JMJD1C: variants seen among roughly 807,000 people sequenced by gnomAD.
JMJD1C encodes the protein jumonji domain containing 1C.
Under a neutral mutation model 245.3 loss-of-function variants are expected in JMJD1C, and 31 were observed. The ratio of observed to expected loss-of-function variants is 0.13; its 90% CI spans 0.09 to 0.17. The LOEUF (loss-of-function observed/expected upper bound fraction) is 0.17. Ranked by LOEUF, JMJD1C falls within the 10% of genes least tolerant of loss-of-function variation. The pLI is 1.00. For missense variants in JMJD1C, 2,691 were observed against 3,000.2 expected (o/e 0.90, Z 2.41); for synonymous variants, 1,057 against 1,017.4 (o/e 1.04, Z -0.74).
At chr10:63,237,501 G>C (rs758521178) in intron 3 of JMJD1C, among the ~76,000 whole-genome samples, 1 of 152,098 alleles carries the variant, frequency 6.6e-6, no homozygotes, top group South Asian at 2.1e-4. Flanking sequence ...TATTTTCTCA[G>C]AAAGAACGAA....
At chr10:63,347,501 T>C (rs1037406355) in intron 2 of JMJD1C, among the ~76,000 whole-genome samples, 14 of 150,122 alleles carry the variant, frequency 9.3e-5, no homozygotes, top group African/African-American at 2.7e-4. Context: ...AGGAGAATTG[T>C]TGAACCCAGC....
At chr10:63,340,368 G>A (rs1943257553) in intron 2 of JMJD1C, among the ~76,000 whole-genome samples, 1 of 152,178 alleles carries the variant, frequency 6.6e-6, no homozygotes, top group Non-Finnish European at 1.5e-5. Flanking sequence ...ACAATGGCAG[G>A]CTCCACATGG....
intron 2 of JMJD1C, among the ~76,000 whole-genome samples, chr10:63,378,650 T>C (rs1946970075): frequency 6.6e-6 from 1 of 152,226 alleles, no homozygotes; most frequent in Admixed American, 6.5e-5. Flanking sequence ...ACTCTGATAC[T>C]GATGTATAGT....
At chr10:63,176,796 GTA>G (rs869072896) in intron 23 of JMJD1C, 2 of 153,828 alleles carry the variant, frequency 1.3e-5, no homozygotes, top group Non-Finnish European at 2.6e-5. Flanking sequence ...GAGGAACAGG[GTA>G]TTTTTTTTTT....
At chr10:63,200,773 T>C in intron 10 of JMJD1C, 96 bp from the exon 11 acceptor site, 2 of 1,078,136 alleles carry the variant, frequency 1.9e-6, no homozygotes, top group Non-Finnish European at 2.7e-6. Context: ...ATTGTGATGA[T>C]ACGGTAAGAC....
At chr10:63,174,673 A>C (rs1256829036) in intron 24 of JMJD1C, among the ~76,000 whole-genome samples, 1 of 152,108 alleles carries the variant, frequency 6.6e-6, no homozygotes, top group Non-Finnish European at 1.5e-5. Context: ...ATCTCTACTA[A>C]AAATACAAAA....
intron 1 of JMJD1C, among the ~76,000 whole-genome samples, chr10:63,494,386 T>C (rs1006423526): frequency 2.0e-5 from 3 of 152,176 alleles, no homozygotes; most frequent in African/African-American, 7.2e-5. Flanking sequence ...AATAAGTTTC[T>C]AGGTTCAAAA....
At chr10:63,335,536 A>T (rs1942634968) in intron 2 of JMJD1C, among the ~76,000 whole-genome samples, 1 of 152,068 alleles carries the variant, frequency 6.6e-6, no homozygotes, top group East Asian at 1.9e-4. Context: ...TTATGAGACA[A>T]AGTCTTACTC....
intron 1 of JMJD1C, among the ~76,000 whole-genome samples, chr10:63,478,991 TAAA>T (rs1953747304): frequency 6.6e-6 from 1 of 152,144 alleles, no homozygotes; most frequent in Admixed American, 6.5e-5. Context: ...AAACCACTAA[TAAA>T]GAAAACTTTT....
At chr10:63,322,887 GTTAATA>G (rs2134118944) in intron 2 of JMJD1C, among the ~76,000 whole-genome samples, 1 of 147,050 alleles carries the variant, frequency 6.8e-6, no homozygotes, top group African/African-American at 2.5e-5. Context: ...TATATCAAAT[GTTAATA>G]TTAATGTAAT....
intron 21 of JMJD1C, among the ~76,000 whole-genome samples, chr10:63,184,356 C>T (rs1181895975): frequency 1.3e-5 from 2 of 151,998 alleles, no homozygotes; most frequent in East Asian, 3.9e-4. Flanking sequence ...AATTCTCCTG[C>T]CTCAGCCTCC....
At chr10:63,349,088 G>A (rs1178119858) in intron 2 of JMJD1C, among the ~76,000 whole-genome samples, 3 of 105,012 alleles carry the variant, frequency 2.9e-5, no homozygotes, top group African/African-American at 3.9e-5. Context: ...GTGACAGAGT[G>A]AGACTCTGTC....
chr10:63,233,749 ACG>A (rs1357518348), intron 3 of JMJD1C, among the ~76,000 whole-genome samples: 14 of 60,174 alleles, frequency 2.3e-4, no homozygotes, highest in East Asian at 6.0e-4. Flanking sequence ...ATATCCACAC[ACG>A]CGCGTGCACA....
At chr10:63,403,118 T>C (rs1388285541) in intron 1 of JMJD1C, among the ~76,000 whole-genome samples, 1 of 152,194 alleles carries the variant, frequency 6.6e-6, no homozygotes, top group African/African-American at 2.4e-5. Flanking sequence ...TTTATTTTCT[T>C]AAGAGAAAGA....
intron 2 of JMJD1C, among the ~76,000 whole-genome samples, chr10:63,303,048 T>C (rs1001275706): frequency 6.6e-6 from 1 of 152,128 alleles, no homozygotes; most frequent in Non-Finnish European, 1.5e-5. Flanking sequence ...CACACCCAGC[T>C]AGAAACTTTC....
intron 3 of JMJD1C, chr10:63,222,461 A>G (rs1385764820): frequency 5.1e-6 from 5 of 972,574 alleles, no homozygotes; most frequent in Non-Finnish European, 8.4e-6. Flanking sequence ...TGATGAAAAC[A>G]ATAAAGGGAA....
chr10:63,391,541 A>G (rs1564868964), intron 1 of JMJD1C, among the ~76,000 whole-genome samples: 1 of 151,334 alleles, frequency 6.6e-6, no homozygotes, highest in African/African-American at 2.4e-5. Context: ...AACAACAACA[A>G]AAAAGACAAT....
chr10:63,289,361 A>C (rs541664772), intron 2 of JMJD1C, among the ~76,000 whole-genome samples: 56 of 152,326 alleles, frequency 3.7e-4, no homozygotes, highest in African/African-American at 1.3e-3. Context: ...TTACTTTCTA[A>C]TGATTCATTT....
At chr10:63,427,676 G>T in intron 1 of JMJD1C, 1 of 1,297,296 alleles carries the variant, frequency 7.7e-7, no homozygotes, top group Non-Finnish European at 1.1e-6. Flanking sequence ...ACCGAAATCC[G>T]CAGAGAAGCC....
Sources: allele counts gnomAD v4.1 joint callset (sites outside exome capture counted in the v4.1 genomes callset), GRCh38; gene constraint gnomAD v4.1.1; transcripts MANE v1.5; gene names NCBI Gene and HGNC (gene_info 2026-07-23, HGNC 2026-07-21).